Variants in FGGY observed in about 807,000 individuals in gnomAD.
FGGY encodes the protein FGGY carbohydrate kinase domain containing, also known as FGGY carbohydrate kinase domain-containing protein.
A neutral mutation model predicts 71.3 loss-of-function variants in FGGY; 72 were observed. That is an observed-to-expected ratio of 1.01 (90% confidence interval 0.84 to 1.23). FGGY has a LOEUF of 1.23. Ranked by LOEUF, FGGY falls within the 50% of genes most tolerant of loss-of-function variation. FGGY has a pLI of 0.00. For missense variants in FGGY, 668 were observed against 682.3 expected (o/e 0.98, Z 0.23); for synonymous variants, 251 against 250.3 (o/e 1.00, Z -0.02).
intron 6 of FGGY, among the ~76,000 whole-genome samples, chr1:59,465,392 C>G (rs2092554636): frequency 6.6e-6 from 1 of 152,142 alleles, no homozygotes; most frequent in Non-Finnish European, 1.5e-5. Context: ...AGACCCACAG[C>G]CAATATCATA....
intron 10 of FGGY, among the ~76,000 whole-genome samples, chr1:59,630,932 T>G (rs766855995): frequency 6.6e-6 from 1 of 152,224 alleles, no homozygotes; most frequent in Non-Finnish European, 1.5e-5. Flanking sequence ...ACTCTTGGTC[T>G]CTACTTCTCC....
intron 5 of FGGY, among the ~76,000 whole-genome samples, chr1:59,418,718 T>C (rs1571908262): frequency 6.6e-6 from 1 of 151,818 alleles, no homozygotes; most frequent in African/African-American, 2.4e-5. Flanking sequence ...TTTTTTCTTT[T>C]TTTGTGTGTG....
intron 6 of FGGY, among the ~76,000 whole-genome samples, chr1:59,486,846 C>T (rs558291186): frequency 1.3e-5 from 2 of 152,138 alleles, no homozygotes; most frequent in Non-Finnish European, 2.9e-5. Context: ...CTTGAAAATC[C>T]CTGAGGGAGC....
rs867456509 is a variant in FGGY, at chr1:59,409,425, A to T, written c.554+30588A>T. 2.7e-4 allele frequency among the ~76,000 whole-genome samples: 41 copies of T among 152,242 alleles called. 1 individual carries two copies. Among genetic ancestry groups the T allele is most frequent in the Admixed American group, 2.4e-3 (36 of 15,282 alleles). On this transcript the variant is annotated intron_variant, in intron 5 of 15. Coordinates refer to ENST00000303721, the MANE Select transcript of FGGY (RefSeq NM_018291.5). The stretch of plus-strand genomic sequence containing the variant: ...CTTCAGCCTTGAATGTTCAGCCATT[A>T]TTCAAGCCGTTGAGAAAGGGAGCAA...
At chr1:59,572,228 G>A (rs1273704444) in intron 8 of FGGY, among the ~76,000 whole-genome samples, 1 of 152,182 alleles carries the variant, frequency 6.6e-6, no homozygotes, top group Non-Finnish European at 1.5e-5. Context: ...AGTGATGTTT[G>A]AGCTGGGAGA....
At chr1:59,758,246 A>G (rs967161685) in intron 15 of FGGY, among the ~76,000 whole-genome samples, 44 of 152,348 alleles carry the variant, frequency 2.9e-4, no homozygotes, top group African/African-American at 1.1e-3. Context: ...GGTAATTGGC[A>G]GCAAATCTGC....
intron 4 of FGGY, among the ~76,000 whole-genome samples, chr1:59,367,220 A>G (rs1005244800): frequency 2.0e-5 from 3 of 152,234 alleles, no homozygotes; most frequent in Non-Finnish European, 2.9e-5. Context: ...GTCTCTGTGC[A>G]TGGGAGTTTG....
intron 13 of FGGY, among the ~76,000 whole-genome samples, chr1:59,670,098 T>C (rs1013575982): frequency 6.6e-6 from 1 of 152,258 alleles, no homozygotes; most frequent in Admixed American, 6.5e-5. Flanking sequence ...AGCCTGGAAT[T>C]CCTCTGCCTT....
intron 10 of FGGY, among the ~76,000 whole-genome samples, chr1:59,635,692 C>T (rs1424655682): frequency 6.6e-6 from 1 of 152,048 alleles, no homozygotes; most frequent in African/African-American, 2.4e-5. Flanking sequence ...CCTGTTGGAC[C>T]AGGAGCAGAG....
At chr1:59,313,568 T>TCACA (rs150331627) in intron 1 of FGGY, among the ~76,000 whole-genome samples, 4 of 151,042 alleles carry the variant, frequency 2.6e-5, no homozygotes, top group Admixed American at 1.3e-4. Context: ...GATATATGTA[T>TCACA]CACACACACA....
At chr1:59,621,492 A>C (rs2153835581) in intron 9 of FGGY, among the ~76,000 whole-genome samples, 1 of 135,952 alleles carries the variant, frequency 7.4e-6, no homozygotes, top group South Asian at 2.4e-4. Flanking sequence ...AACTTGTCTT[A>C]GCATGTCTTA....
chr1:59,649,198 T>C (rs2097131369), intron 11 of FGGY, among the ~76,000 whole-genome samples: 1 of 148,922 alleles, frequency 6.7e-6, no homozygotes, highest in Admixed American at 6.7e-5. Context: ...CCTCCAGCTT[T>C]GTTCTTTTGG....
intron 6 of FGGY, among the ~76,000 whole-genome samples, chr1:59,488,793 T>C (rs2093734819): frequency 6.6e-6 from 1 of 151,948 alleles, no homozygotes; most frequent in South Asian, 2.1e-4. Flanking sequence ...CATTTTATGT[T>C]ATTCCTTAGG....
Position 59,546,523 on chromosome 1 carries a change from G to GATT in FGGY, c.800-7599_800-7598insTAT, listed in dbSNP as rs1479582691. On this transcript the variant is annotated intron_variant, in intron 7 of 15. Transcript: ENST00000303721. Reference sequence around the variant, plus strand: ...TGATGATGATGATGATGATGATGATGATGATGATGATGATTATTATTATTA... The same window carrying GATT: ...TGATGATGATGATGATGATGATGATGATTATGATGATGATGATTATTATTATTA... 2.4e-4 allele frequency among the ~76,000 whole-genome samples: 18 copies of GATT among 74,400 alleles called. 1 individual carries two copies. The highest frequency in any genetic ancestry group is 9.3e-4 in the African/African-American group (14 of 15,122). 48.8% of individuals were successfully genotyped at this position (74,400 alleles called of 152,430 possible). A position where few individuals can be genotyped will look rare whatever the true frequency, so the allele number is the denominator to read the frequency against.
intron 5 of FGGY, among the ~76,000 whole-genome samples, chr1:59,410,333 C>G (rs1011593152): frequency 6.6e-6 from 1 of 152,072 alleles, no homozygotes; most frequent in African/African-American, 2.4e-5. Flanking sequence ...TCTAGGTTAA[C>G]CTTATGACAA....
chr1:59,717,805 G>A (rs1002339352), intron 14 of FGGY, among the ~76,000 whole-genome samples: 6 of 152,204 alleles, frequency 3.9e-5, no homozygotes, highest in African/African-American at 1.2e-4. Flanking sequence ...AATATATTGT[G>A]TCTTCCCATC....
intron 8 of FGGY, among the ~76,000 whole-genome samples, chr1:59,589,965 T>TA (rs1194790997): frequency 6.6e-6 from 1 of 151,756 alleles, no homozygotes; most frequent in South Asian, 2.1e-4. Context: ...AATAGAGACA[T>TA]AAAAAACCCT....
intron 7 of FGGY, among the ~76,000 whole-genome samples, chr1:59,539,754 A>G (rs1044952811): frequency 6.6e-6 from 1 of 152,222 alleles, no homozygotes; most frequent in Non-Finnish European, 1.5e-5. Context: ...AAATAAGACT[A>G]TGTTAAAATA....
At chr1:59,432,948 C>T (rs1451224012) in intron 5 of FGGY, among the ~76,000 whole-genome samples, 2 of 152,192 alleles carry the variant, frequency 1.3e-5, no homozygotes, top group African/African-American at 4.8e-5. Context: ...AGTTTTCAAT[C>T]CAGTCACACT....
Sources: allele counts gnomAD v4.1 joint callset (sites outside exome capture counted in the v4.1 genomes callset), GRCh38; gene constraint gnomAD v4.1.1; transcripts MANE v1.5; gene names NCBI Gene and HGNC (gene_info 2026-07-23, HGNC 2026-07-21).